PARD3B: variants seen among roughly 807,000 people sequenced by gnomAD.
PARD3B encodes par-3 family cell polarity regulator beta, also known as partitioning defective 3 homolog B.
In PARD3B, 103 loss-of-function variants were observed where a neutral mutation model predicts 130.2. That is an observed-to-expected ratio of 0.79 (90% CI 0.67 to 0.93). The LOEUF is 0.93. PARD3B is among the 40% of genes least tolerant of loss of function. The pLI is 0.00. For missense variants in PARD3B, 1,609 were observed against 1,499.2 expected, an observed-to-expected ratio of 1.07 and a Z score of -1.21; for synonymous variants, 583 against 553.2, an observed-to-expected ratio of 1.05 and a Z score of -0.76.
Position 205,288,115 on chromosome 2 carries a change from G to A in PARD3B, c.2186-12415G>A, listed in dbSNP as rs2041464118. Among the ~76,000 whole-genome samples the A allele has an allele frequency of 6.6e-6, 1 of 152,084 alleles. No homozygotes were observed. The highest frequency in any genetic ancestry group is 2.4e-5 in the African/African-American group (1 of 41,390). ...AAATATAGTAAAGCGTGCTTACGAGGAGATAGCAAAGGGTCCGGCCATGAC... is the reference window on the plus strand; with the variant it reads ...AAATATAGTAAAGCGTGCTTACGAGAAGATAGCAAAGGGTCCGGCCATGAC... On this transcript the variant is annotated intron_variant, in intron 16 of 22. Transcript: ENST00000406610. This position sits in a 1 kb window ranked among gnomAD's most constrained non-coding sequence, Gnocchi z 4.0.
chr2:204,895,538 C>T (rs769410877), intron 2 of PARD3B, among the ~76,000 whole-genome samples: 140 of 152,042 alleles, frequency 9.2e-4, no homozygotes, highest in Non-Finnish European at 1.6e-3. Context: ...TTTATACTAT[C>T]ACATATTTTT....
chr2:205,092,401 A>G (rs1272874333), intron 4 of PARD3B, among the ~76,000 whole-genome samples: 4 of 152,090 alleles, frequency 2.6e-5, no homozygotes, highest in African/African-American at 9.7e-5. Context: ...TCTTTGGGGA[A>G]AGTTTATTGT....
intron 19 of PARD3B, among the ~76,000 whole-genome samples, chr2:205,436,456 G>T (rs367962310): frequency 1.3e-5 from 2 of 151,930 alleles, no homozygotes; most frequent in African/African-American, 4.8e-5. Context: ...TGCATTTGTC[G>T]ATTACTTGAT....
At chr2:205,206,661 A>C (rs972808429) in intron 15 of PARD3B, among the ~76,000 whole-genome samples, 14 of 151,948 alleles carry the variant, frequency 9.2e-5, no homozygotes, top group East Asian at 7.7e-4. Flanking sequence ...ATTGTGAATA[A>C]TGCCGCAATA....
chr2:205,467,630 C>T (rs1385187739), intron 20 of PARD3B, among the ~76,000 whole-genome samples: 1 of 152,106 alleles, frequency 6.6e-6, no homozygotes, highest in Non-Finnish European at 1.5e-5. Context: ...CCAAGCATAT[C>T]TCAATTTGGA....
At chr2:204,581,926 C>T (rs1014418924) in intron 1 of PARD3B, among the ~76,000 whole-genome samples, 3 of 152,138 alleles carry the variant, frequency 2.0e-5, no homozygotes, top group African/African-American at 7.2e-5. Flanking sequence ...ATTTTAACCC[C>T]TTTGAGACTT....
chr2:204,634,334 T>C (rs1453392243), intron 1 of PARD3B, among the ~76,000 whole-genome samples: 11 of 152,236 alleles, frequency 7.2e-5, no homozygotes, highest in Admixed American at 7.2e-4. Flanking sequence ...CATATTTTTA[T>C]GGCTGAATAG....
intron 1 of PARD3B, among the ~76,000 whole-genome samples, chr2:204,668,066 T>G (rs2036107452): frequency 6.6e-6 from 1 of 152,170 alleles, no homozygotes; most frequent in African/African-American, 2.4e-5. Flanking sequence ...AAAGCCTTCT[T>G]TCAAGTCTAT....
intron 21 of PARD3B, among the ~76,000 whole-genome samples, chr2:205,538,139 A>G (rs2051946557): frequency 6.6e-6 from 1 of 152,258 alleles, no homozygotes; most frequent in African/African-American, 2.4e-5. Context: ...CTGATGATCC[A>G]ACAGAGAAGG....
At chr2:205,433,347 A>G (rs565233778) in intron 19 of PARD3B, among the ~76,000 whole-genome samples, 1 of 152,234 alleles carries the variant, frequency 6.6e-6, no homozygotes, top group Non-Finnish European at 1.5e-5. Flanking sequence ...AGCCTGGCCA[A>G]TATGGCAAAA....
intron 3 of PARD3B, among the ~76,000 whole-genome samples, chr2:204,987,023 A>C (rs1402039389): frequency 6.6e-6 from 1 of 152,184 alleles, no homozygotes. Flanking sequence ...CAAGTGTCTA[A>C]GGGACTCTCT....
At chr2:205,136,837 C>G (rs2125661088) in intron 10 of PARD3B, among the ~76,000 whole-genome samples, 1 of 152,336 alleles carries the variant, frequency 6.6e-6, no homozygotes, top group East Asian at 1.9e-4. Context: ...TCTTCCACCT[C>G]TCTTTCCCTT....
chr2:205,389,555 G>T (rs539532525), intron 18 of PARD3B, among the ~76,000 whole-genome samples: 1 of 152,216 alleles, frequency 6.6e-6, no homozygotes, highest in African/African-American at 2.4e-5. Flanking sequence ...TAGAAACAGG[G>T]TTTCACCATG....
intron 18 of PARD3B, among the ~76,000 whole-genome samples, chr2:205,379,855 T>G (rs2105931275): frequency 6.6e-6 from 1 of 151,780 alleles, no homozygotes; most frequent in African/African-American, 2.4e-5. Flanking sequence ...GGATCACAAG[T>G]TCAGGAGACT....
Position 205,057,575 on chromosome 2 carries a change from GTGTA to G in PARD3B, c.504+9889_504+9892del, listed in dbSNP as rs1219222327. On this transcript the variant is annotated intron_variant, in intron 4 of 22. Transcript: ENST00000406610. ...TATGTATATATACATATATGTATAT[GTGTA>G]TGTGTATACGTATATATACATATAT... Among the ~76,000 whole-genome samples, 5 of 139,908 alleles carry G rather than the reference GTGTA, an allele frequency of 3.6e-5. 1 individual carries two copies. The highest frequency in any genetic ancestry group is 1.3e-4 in the African/African-American group (5 of 37,988). 91.8% of individuals were successfully genotyped at this position (139,908 alleles called of 152,430 possible).
chr2:204,579,296 A>G (rs532782943), intron 1 of PARD3B, among the ~76,000 whole-genome samples: 1 of 151,982 alleles, frequency 6.6e-6, no homozygotes, highest in Non-Finnish European at 1.5e-5. Context: ...CAGACAGGAA[A>G]TCCAGGGTCT....
rs1379921524 is a variant in PARD3B at position 205,525,710 on chromosome 2, C to T, written c.3180+25679C>T. On this transcript the variant is annotated intron_variant, in intron 21 of 22. Transcript: ENST00000406610. This position sits in a 1 kb window ranked among gnomAD's most constrained non-coding sequence, Gnocchi z 4.2. ...AGACCCAGCATTATCGAAGGCTTAT[C>T]CTTTCTCACACTGAACTAATACTCA... Among the ~76,000 whole-genome samples, 2 of 152,122 alleles carry T rather than the reference C, an allele frequency of 1.3e-5. No individual in the cohort carries two copies. Among genetic ancestry groups the T allele is most frequent in the African/African-American group, 2.4e-5 (1 of 41,436 alleles).
intron 1 of PARD3B, among the ~76,000 whole-genome samples, chr2:204,654,711 A>G (rs1294721508): frequency 6.6e-6 from 1 of 152,144 alleles, no homozygotes. Flanking sequence ...CAGGAACTGG[A>G]ACTTCATTAT....
At chr2:204,720,183 A>G (rs1272178920) in intron 2 of PARD3B, among the ~76,000 whole-genome samples, 1 of 152,216 alleles carries the variant, frequency 6.6e-6, no homozygotes, top group East Asian at 1.9e-4. Context: ...AGTTTTAAAT[A>G]CTGCGAGCCA....
Sources: gnomAD v4.1 joint callset for allele counts (sites outside exome capture counted in the v4.1 genomes callset) on GRCh38, gnomAD v4.1.1 for gene constraint, Gnocchi (gnomAD v3.1) non-coding constraint, MANE v1.5 for transcripts, NCBI Gene and HGNC (gene_info 2026-07-23, HGNC 2026-07-21) for gene names.